Variants in EIF1AX observed in about 807,000 individuals in gnomAD.
EIF1AX encodes eukaryotic translation initiation factor 1A X-linked, also known as eukaryotic translation initiation factor 1A, X-chromosomal.
A neutral mutation model predicts 16.1 loss-of-function variants in EIF1AX; 1 was observed. The ratio of observed to expected loss-of-function variants is 0.06; its 90% CI spans 0.02 to 0.30. The LOEUF (loss-of-function observed/expected upper bound fraction) is 0.30. EIF1AX is among the 10% of genes least tolerant of loss of function. The probability of loss-of-function intolerance (pLI) is 1.00; values close to 1 mark genes in which losing one functional copy is unlikely to be tolerated. For synonymous variants in EIF1AX, 32 were observed against 37.3 expected (o/e 0.86, Z 0.51); for missense variants, 11 against 109.1 (o/e 0.10, Z 4.00).
At chrX:20,128,454 C>T in intron 6 of EIF1AX, 143 bp from the exon 7 acceptor site, 2 of 425,972 alleles carry the variant, frequency 4.7e-6, no homozygotes, top group South Asian at 6.2e-5. Context: ...ATAATTCTGG[C>T]CTGCTATAAG....
At position 20,125,034 on chromosome X, in the gene EIF1AX, C is replaced by G. The variant is rs2066980773; in HGVS notation, c.*3272G>C. ...TATAAACATCTAAATTATCAATCCT[C>G]CCAACAATTCTGCATGACAGGTACT... On this transcript the variant is annotated 3_prime_UTR_variant, in exon 7 of 7. Coordinates refer to ENST00000379607, the MANE Select transcript of EIF1AX (RefSeq NM_001412.4). The G allele has an allele frequency of 6.9e-6, 1 of 144,105 alleles. No homozygotes were observed. Among genetic ancestry groups the G allele is most frequent in the Non-Finnish European group, 1.4e-5 (1 of 72,595 alleles). The allele number at this position is 144,105 out of a possible 1,213,427, so 11.9% of individuals were successfully genotyped here. A position where few individuals can be genotyped will look rare whatever the true frequency, so the allele number is the denominator to read the frequency against.
rs778488157 is a variant in EIF1AX, at chrX:20,138,520, A to T, written c.100+19T>A. Reference sequence around the variant, plus strand: ...GAAAGGATGTTATTTTAAAAAGCGTAATTTATGAAAACACTTACCCTGACC... The same window carrying T: ...GAAAGGATGTTATTTTAAAAAGCGTTATTTATGAAAACACTTACCCTGACC... On this transcript the variant is annotated intron_variant, in intron 2 of 6. Coordinates refer to ENST00000379607, the MANE Select transcript of EIF1AX (RefSeq NM_001412.4). 1 of 1,139,583 alleles carries T rather than the reference A, an allele frequency of 8.8e-7. No homozygotes were observed. The highest frequency in any genetic ancestry group is 3.0e-5 in the East Asian group (1 of 33,447). 93.9% of individuals were successfully genotyped at this position (1,139,583 alleles called of 1,213,427 possible).
intron 5 of EIF1AX, among the ~76,000 whole-genome samples, chrX:20,131,679 GTTTTTTTTT>G (rs758358275): frequency 4.7e-5 from 4 of 85,839 alleles, no homozygotes; most frequent in Non-Finnish European, 9.1e-5. Flanking sequence ...TTGCTTCATG[GTTTTTTTTT>G]TTTTTTTTTT....
chrX:20,133,833 G>C, intron 4 of EIF1AX, 124 bp downstream of exon 4: 1 of 549,354 alleles, frequency 1.8e-6, no homozygotes, highest in African/African-American at 2.4e-5. Context: ...ATGGCTCCCA[G>C]ATTTTGATTT....
chrX:20,134,874 T>C (rs760280077), intron 3 of EIF1AX, among the ~76,000 whole-genome samples: 1 of 112,671 alleles, frequency 8.9e-6, no homozygotes, highest in African/African-American at 3.2e-5. Flanking sequence ...CCTGAATAAC[T>C]ACTGTGATGG....
intron 5 of EIF1AX, among the ~76,000 whole-genome samples, chrX:20,131,923 T>C (rs1225554044): frequency 1.8e-5 from 2 of 108,516 alleles, no homozygotes; most frequent in Non-Finnish European, 3.8e-5. Flanking sequence ...TTTTAATAGA[T>C]ACTATAACAA....
chrX:20,136,922 T>A (rs2067018695), intron 2 of EIF1AX, among the ~76,000 whole-genome samples: 1 of 111,785 alleles, frequency 8.9e-6, no homozygotes, highest in Admixed American at 9.5e-5. Context: ...TTTATATGTA[T>A]GGCGTAATAA....
intron 6 of EIF1AX, 88 bp downstream of exon 6, chrX:20,130,428 T>C: frequency 1.0e-6 from 1 of 974,211 alleles, no homozygotes; most frequent in South Asian, 3.7e-5. Context: ...AAGTGTCCCA[T>C]GTTCTTAAAA....
chrX:20,134,047 C>G (rs781538389), intron 3 of EIF1AX, 40 bp from the exon 4 acceptor site: 1 of 1,133,902 alleles, frequency 8.8e-7, no homozygotes, highest in African/African-American at 1.8e-5. Flanking sequence ...TTTAAAATAA[C>G]GAAGAATCAA....
chrX:20,129,485 A>T (rs926441525), intron 6 of EIF1AX, among the ~76,000 whole-genome samples: 2 of 112,180 alleles, frequency 1.8e-5, no homozygotes, highest in African/African-American at 6.5e-5. Flanking sequence ...GTTTGAAAAG[A>T]AGAGCCCAAA....
intron 2 of EIF1AX, 91 bp downstream of exon 2, chrX:20,138,448 G>A (rs2067024529): frequency 4.0e-6 from 3 of 743,347 alleles, no homozygotes; most frequent in South Asian, 4.3e-5. Flanking sequence ...CACCCTGGGC[G>A]ATGGGCAAGA....
chrX:20,130,591 A>G lies in EIF1AX; in HGVS notation c.354T>C (p.Thr118=), dbSNP rs765795108. 1.7e-6 allele frequency: 2 copies of G among 1,196,793 alleles called. No homozygotes were observed. Among genetic ancestry groups the G allele is most frequent in the Non-Finnish European group, 2.3e-6 (2 of 888,725 alleles). The part of the protein sequence containing the change: ...ELPEHAKINE[T]DTFGPGDDDE... The stretch of plus-strand genomic sequence containing the variant: ...CATCATCTCCAGGACCAAATGTATC[A>G]GTTTCATTGATTTTAGCTAAGGACA... Residue 118 remains threonine (T), a synonymous_variant, in exon 6 of 7, where the codon ACT becomes ACC. Transcript: ENST00000379607.
At chrX:20,134,607 G>A (rs759346278) in intron 3 of EIF1AX, among the ~76,000 whole-genome samples, 161 of 106,642 alleles carry the variant, frequency 1.5e-3, no homozygotes, top group Middle Eastern at 5.3e-3. Flanking sequence ...GCGTGGTGGC[G>A]CATGCCTATA....
At chrX:20,137,994 G>GTTTTTTT (rs72040979) in intron 2 of EIF1AX, among the ~76,000 whole-genome samples, 1 of 36,745 alleles carries the variant, frequency 2.7e-5, no homozygotes, top group Non-Finnish European at 4.4e-5. Flanking sequence ...TCTCTATACA[G>GTTTTTTT]TTTTTTTTTT....
chrX:20,129,891 T>C (rs2066995924), intron 6 of EIF1AX, among the ~76,000 whole-genome samples: 2 of 112,749 alleles, frequency 1.8e-5, no homozygotes, highest in Non-Finnish European at 3.7e-5. Flanking sequence ...AATTTCTTAA[T>C]GGCTATCTCT....
At chrX:20,139,307 T>C (rs908986532) in intron 1 of EIF1AX, among the ~76,000 whole-genome samples, 3 of 112,349 alleles carry the variant, frequency 2.7e-5, no homozygotes, top group African/African-American at 9.7e-5. Context: ...GTTTCTATTA[T>C]ATGACCCCAG....
rs1206855609 is a variant in EIF1AX, at chrX:20,141,812, C to T, written c.-172G>A. 4 of 449,411 alleles carry T rather than the reference C, an allele frequency of 8.9e-6. No homozygotes were observed. The highest frequency in any genetic ancestry group is 1.4e-5 in the Non-Finnish European group (4 of 279,070). The allele number at this position is 449,411 out of a possible 1,213,427, so 37.0% of individuals were successfully genotyped here. On this transcript the variant is annotated 5_prime_UTR_variant, in exon 1 of 7. Transcript: ENST00000379607. ...ACCCAGCTCTTCAGAGATCCGCCTG[C>T]GTCCACGCTCGGCGGCAGCAAATGG...
At chrX:20,138,311 T>A in intron 2 of EIF1AX, among the ~76,000 whole-genome samples, 1 of 109,937 alleles carries the variant, frequency 9.1e-6, no homozygotes, top group South Asian at 3.9e-4. Flanking sequence ...CCTAAAAAAA[T>A]TTTTAAAATT....
chrX:20,138,506 A>G, intron 2 of EIF1AX, 33 bp downstream of exon 2: 2 of 1,078,319 alleles, frequency 1.9e-6, no homozygotes, highest in Non-Finnish European at 2.6e-6. Context: ...AAAGGATGTT[A>G]TTTTAAAAAG....
Sources: allele counts gnomAD v4.1 joint callset (sites outside exome capture counted in the v4.1 genomes callset), GRCh38; gene constraint gnomAD v4.1.1; transcripts MANE v1.5; gene names NCBI Gene and HGNC (gene_info 2026-07-23, HGNC 2026-07-21).